The following EIF4G3 variants were observed in gnomAD, a reference collection of about 807,000 sequenced individuals.
The protein encoded by EIF4G3 is eIF-4-gamma 3.
A neutral mutation model predicts 186.4 loss-of-function variants in EIF4G3; 34 were observed. The observed-to-expected ratio is 0.18, with a 90% CI of 0.14 to 0.24. The LOEUF (loss-of-function observed/expected upper bound fraction) is 0.24. Ranked by LOEUF, EIF4G3 falls within the 10% of genes least tolerant of loss-of-function variation. EIF4G3 has a pLI of 1.00. For synonymous variants in EIF4G3, 673 were observed against 679.5 expected (o/e 0.99, Z 0.15); for missense variants, 1,536 against 1,948.5 (o/e 0.79, Z 3.99).
In EIF4G3 at chr1:21,000,004, ATGT is replaced by A. The variant is rs533747438; in HGVS notation, c.144+1192_144+1194del. ...ACTGAGCATGGCCAACATAACATTG[ATGT>A]AATTTTGAAACTTAACACCACAAAA... On this transcript the variant is annotated intron_variant, in intron 6 of 36. Coordinates refer to ENST00000602326, the MANE Select transcript of EIF4G3 (RefSeq NM_001391906.1). Among the ~76,000 whole-genome samples the A allele has an allele frequency of 7.2e-5, 11 of 152,138 alleles. No individual in the cohort carries two copies. The South Asian group carries it at 2.3e-3, about 32-fold the overall frequency.
At chr1:21,074,763 C>T (rs1298280413) in intron 3 of EIF4G3, among the ~76,000 whole-genome samples, 4 of 152,098 alleles carry the variant, frequency 2.6e-5, no homozygotes, top group Admixed American at 2.6e-4. Flanking sequence ...TTTTCCAATA[C>T]AATGTTGTAT....
chr1:21,131,419 A>G (rs1470726924), intron 2 of EIF4G3, among the ~76,000 whole-genome samples: 1 of 151,470 alleles, frequency 6.6e-6, no homozygotes, highest in Non-Finnish European at 1.5e-5. Context: ...TAAAAAAAAG[A>G]AATACTTGAG....
chr1:20,821,748 C>CCTATTATGTATACTTCT (rs879811725), intron 33 of EIF4G3, among the ~76,000 whole-genome samples: 1,748 of 150,752 alleles, frequency 0.012, 36 homozygotes, highest in African/African-American at 0.039. Flanking sequence ...CACCATCTTC[C>CCTATTATGTATACTTCT]CTATTATGTA....
At chr1:20,850,203 C>A (rs534142446) in intron 28 of EIF4G3, among the ~76,000 whole-genome samples, 1 of 152,304 alleles carries the variant, frequency 6.6e-6, no homozygotes, top group South Asian at 2.1e-4. Context: ...GAACAGGGAT[C>A]AAGGGCCTCA....
chr1:20,911,771 T>C (rs1184216455), intron 14 of EIF4G3, among the ~76,000 whole-genome samples: 2 of 151,930 alleles, frequency 1.3e-5, no homozygotes, highest in African/African-American at 4.8e-5. Context: ...TAACATTTTT[T>C]CTATTTCCTT....
intron 2 of EIF4G3, among the ~76,000 whole-genome samples, chr1:21,105,730 T>C (rs1173347119): frequency 6.6e-6 from 1 of 152,116 alleles, no homozygotes; most frequent in African/African-American, 2.4e-5. Flanking sequence ...GGTAGGCATC[T>C]GGGGTACAGG....
In EIF4G3 at chr1:21,017,112, C is replaced by T. The variant is rs72654812; in HGVS notation, c.-66-14304G>A. On this transcript the variant is annotated intron_variant, in intron 4 of 36. Coordinates refer to ENST00000602326, the MANE Select transcript of EIF4G3 (RefSeq NM_001391906.1). ...ACAAGCAAAATGTGGCACATACATA[C>T]AAAAAAATATTATTCATCCTTTAAA... Among the ~76,000 whole-genome samples, 1,070 of 152,152 alleles carry T rather than the reference C, an allele frequency of 7.0e-3. 4 individuals carry two copies. The highest frequency in any genetic ancestry group is 0.017 in the Middle Eastern group (5 of 294).
chr1:20,864,382 T>C (rs940250780), intron 22 of EIF4G3, 94 bp downstream of exon 22: 1 of 927,764 alleles, frequency 1.1e-6, no homozygotes. Flanking sequence ...GCCCAGACCT[T>C]TGGGAAAAGA....
intron 20 of EIF4G3, among the ~76,000 whole-genome samples, chr1:20,873,140 A>T (rs1202226885): frequency 6.6e-6 from 1 of 152,238 alleles, no homozygotes; most frequent in Admixed American, 6.5e-5. Context: ...TTAAATAACA[A>T]ATCATGTAGT....
chr1:20,818,364 C>T (rs990585704), intron 33 of EIF4G3, among the ~76,000 whole-genome samples: 4 of 152,122 alleles, frequency 2.6e-5, no homozygotes, highest in Non-Finnish European at 5.9e-5. Context: ...TCAGGCTGGG[C>T]GCAGTGGCTC....
intron 27 of EIF4G3, among the ~76,000 whole-genome samples, chr1:20,852,807 A>G (rs1022272389): frequency 6.6e-6 from 1 of 152,138 alleles, no homozygotes; most frequent in African/African-American, 2.4e-5. Context: ...GCCTTGTGCT[A>G]ACTATACTTT....
intron 36 of EIF4G3, among the ~76,000 whole-genome samples, chr1:20,809,205 T>C (rs2058746380): frequency 6.6e-6 from 1 of 152,168 alleles, no homozygotes; most frequent in Non-Finnish European, 1.5e-5. Flanking sequence ...ACTCCTGACC[T>C]CGGGTGATCT....
chr1:21,096,749 T>C (rs1339467190), intron 2 of EIF4G3, among the ~76,000 whole-genome samples: 1 of 152,206 alleles, frequency 6.6e-6, no homozygotes, highest in Non-Finnish European at 1.5e-5. Flanking sequence ...TACTCACATA[T>C]GACGAAAGTC....
At chr1:21,159,806 A>C (rs1199551880) in intron 2 of EIF4G3, among the ~76,000 whole-genome samples, 2 of 151,490 alleles carry the variant, frequency 1.3e-5, no homozygotes, top group African/African-American at 2.4e-5. Flanking sequence ...CTCTACAAAA[A>C]ACTGAAAAAT....
intron 4 of EIF4G3, among the ~76,000 whole-genome samples, chr1:21,021,544 A>ATTCT (rs561504226): frequency 6.6e-6 from 1 of 151,768 alleles, no homozygotes; most frequent in Non-Finnish European, 1.5e-5. Flanking sequence ...CATACTTAAG[A>ATTCT]TTCTTTCTTT....
intron 20 of EIF4G3, among the ~76,000 whole-genome samples, chr1:20,875,755 T>C (rs2080580473): frequency 6.6e-6 from 1 of 152,002 alleles, no homozygotes; most frequent in African/African-American, 2.4e-5. Flanking sequence ...CTATAAAAAA[T>C]TTAAAGATTA....
chr1:20,864,644 A>G lies in EIF4G3; in HGVS notation c.2838T>C (p.Ile946=). Residue 946 remains isoleucine, a synonymous_variant, in exon 22 of 37, where the codon ATT becomes ATC. Transcript: ENST00000602326. ...EAKDKARRRS[I]GNIKFIGELF... ...GTTCTCCAATAAACTTGATGTTGCCAATGGATCTCCGCCGGGCTTTGTCCT... is the reference window on the plus strand; with the variant it reads ...GTTCTCCAATAAACTTGATGTTGCCGATGGATCTCCGCCGGGCTTTGTCCT... 1 of 1,614,206 alleles carries G rather than the reference A, an allele frequency of 6.2e-7. No individual in the cohort carries two copies. The highest frequency in any genetic ancestry group is 1.7e-5 in the Admixed American group (1 of 60,024).
chr1:21,048,388 G>T (rs941140938), intron 4 of EIF4G3, among the ~76,000 whole-genome samples: 4 of 152,124 alleles, frequency 2.6e-5, no homozygotes, highest in African/African-American at 9.7e-5. Flanking sequence ...TAACATTTCA[G>T]CTGACACAAC....
rs2061333324 is a variant in EIF4G3 at position 20,817,310 on chromosome 1, A to T, written c.4515+82T>A. 8 of 791,914 alleles carry T rather than the reference A, an allele frequency of 1.0e-5. No individual in the cohort carries two copies. The East Asian group carries it at 2.6e-4, about 25-fold the overall frequency. The allele number at this position is 791,914 out of a possible 1,614,324, so 49.1% of individuals were successfully genotyped here. ...AATAAAAATAAAAATTCATGAAGTG[A>T]ACTGATAGGTAAGCGAATTAAGGGG... On this transcript the variant is annotated intron_variant, in intron 34 of 36. Coordinates refer to ENST00000602326, the MANE Select transcript of EIF4G3 (RefSeq NM_001391906.1).
Sources: gnomAD v4.1 joint callset for allele counts (sites outside exome capture counted in the v4.1 genomes callset) on GRCh38, gnomAD v4.1.1 for gene constraint, MANE v1.5 for transcripts, NCBI Gene and HGNC (gene_info 2026-07-23, HGNC 2026-07-21) for gene names.